The following ARL8B variants were observed in gnomAD, a reference collection of about 807,000 sequenced individuals.
ARL8B encodes the protein ADP-ribosylation factor-like protein 8B.
Under a neutral mutation model 30.6 loss-of-function variants are expected in ARL8B, and 9 were observed. The ratio of observed to expected loss-of-function variants is 0.29; its 90% CI spans 0.18 to 0.51. The LOEUF is 0.51. ARL8B is among the 20% of genes least tolerant of loss of function. The pLI is 0.97. For missense variants in ARL8B, 130 were observed against 227.2 expected, an observed-to-expected ratio of 0.57 and a Z score of 2.75; for synonymous variants, 74 against 76.0, an observed-to-expected ratio of 0.97 and a Z score of 0.14.
intron 6 of ARL8B, among the ~76,000 whole-genome samples, chr3:5,175,191 C>T (rs556504292): frequency 5.1e-4 from 77 of 152,176 alleles, no homozygotes; most frequent in African/African-American, 1.1e-3. Flanking sequence ...TTTCGTTCAG[C>T]GTTACAATGT....
intron 1 of ARL8B, among the ~76,000 whole-genome samples, chr3:5,143,576 C>T (rs1034105162): frequency 1.3e-5 from 2 of 152,214 alleles, no homozygotes; most frequent in East Asian, 3.9e-4. Context: ...TTACCAGTCC[C>T]TTGACTTGAG....
At chr3:5,148,619 C>A (rs1575565630) in intron 1 of ARL8B, among the ~76,000 whole-genome samples, 1 of 152,052 alleles carries the variant, frequency 6.6e-6, no homozygotes, top group East Asian at 1.9e-4. Context: ...AACATGGGAG[C>A]TAATTTTTTG....
At chr3:5,172,498 A>C (rs867024045) in intron 3 of ARL8B, 149 bp from the exon 4 acceptor site, 1 of 642,772 alleles carries the variant, frequency 1.6e-6, no homozygotes, top group Middle Eastern at 4.2e-4. Context: ...AAAAGTATTA[A>C]AGGGTGCTGA....
intron 1 of ARL8B, among the ~76,000 whole-genome samples, chr3:5,152,072 A>G (rs2054489730): frequency 6.6e-6 from 1 of 152,182 alleles, no homozygotes; most frequent in South Asian, 2.1e-4. Flanking sequence ...TTTGAAAAGA[A>G]TGTGTATTCT....
intron 1 of ARL8B, among the ~76,000 whole-genome samples, chr3:5,155,495 C>G (rs2054524000): frequency 6.6e-6 from 1 of 152,070 alleles, no homozygotes; most frequent in African/African-American, 2.4e-5. Flanking sequence ...GTCTCTGCCT[C>G]CTATTATCTG....
At chr3:5,160,580 T>C (rs925634769) in intron 1 of ARL8B, among the ~76,000 whole-genome samples, 1 of 152,192 alleles carries the variant, frequency 6.6e-6, no homozygotes, top group African/African-American at 2.4e-5. Flanking sequence ...CCCTTTGTAT[T>C]AACAGGCAGT....
At chr3:5,166,553 G>T (rs2054626028) in intron 1 of ARL8B, among the ~76,000 whole-genome samples, 1 of 149,394 alleles carries the variant, frequency 6.7e-6, no homozygotes, top group Admixed American at 6.7e-5. Context: ...GCCCAGACTG[G>T]TCTTGAACTC....
chr3:5,170,793 G>A (rs1401467438), intron 2 of ARL8B: 3 of 425,340 alleles, frequency 7.1e-6, no homozygotes, highest in Non-Finnish European at 1.3e-5. Flanking sequence ...GTGCAGTGTC[G>A]CGATCTCCAC....
At chr3:5,143,480 G>A (rs576045137) in intron 1 of ARL8B, among the ~76,000 whole-genome samples, 2 of 152,264 alleles carry the variant, frequency 1.3e-5, no homozygotes, top group South Asian at 4.1e-4. Context: ...AGGGGAAATG[G>A]AACCACCTGT....
chr3:5,145,469 C>T (rs1039249328), intron 1 of ARL8B, among the ~76,000 whole-genome samples: 1 of 152,110 alleles, frequency 6.6e-6, no homozygotes, highest in African/African-American at 2.4e-5. Context: ...TGTACACATT[C>T]GGGCCACCCG....
At chr3:5,151,721 A>T (rs1193818094) in intron 1 of ARL8B, among the ~76,000 whole-genome samples, 6 of 81,646 alleles carry the variant, frequency 7.3e-5, no homozygotes, top group African/African-American at 2.5e-4. Flanking sequence ...TTCTCCCCCC[A>T]CCCCCCCCCT....
At chr3:5,176,155 T>C (rs2054728012) in intron 6 of ARL8B, among the ~76,000 whole-genome samples, 2 of 152,214 alleles carry the variant, frequency 1.3e-5, no homozygotes, top group Admixed American at 1.3e-4. Context: ...TTTATGCTGA[T>C]ATTTTTTCTT....
At chr3:5,178,449 C>T (rs1201744503) in intron 6 of ARL8B, among the ~76,000 whole-genome samples, 2 of 148,542 alleles carry the variant, frequency 1.3e-5, no homozygotes, top group Non-Finnish European at 3.0e-5. Flanking sequence ...CCGTCCTATA[C>T]ACAACTTAAT....
chr3:5,179,812 T>C lies in ARL8B; in HGVS notation c.*1099T>C, dbSNP rs2054762861. On this transcript the variant is annotated 3_prime_UTR_variant, in exon 7 of 7. Transcript: ENST00000256496. The stretch of plus-strand genomic sequence containing the variant: ...TTATTGTGACAACTCTAGACCTGCC[T>C]GCTTTATCTAATGTAATCATGCTCA... The C allele has an allele frequency of 6.6e-6, 1 of 152,536 alleles. No individual in the cohort carries two copies. The highest frequency in any genetic ancestry group is 1.5e-5 in the Non-Finnish European group (1 of 68,034). The allele number at this position is 152,536 out of a possible 1,614,324, so 9.4% of individuals were successfully genotyped here.
chr3:5,154,324 TG>T (rs759757606), intron 1 of ARL8B, among the ~76,000 whole-genome samples: 35 of 152,072 alleles, frequency 2.3e-4, no homozygotes, highest in Non-Finnish European at 4.1e-4. Context: ...AAAATTTTAT[TG>T]TGGTAAAATA....
intron 3 of ARL8B, 24 bp from the exon 4 acceptor site, chr3:5,172,623 T>C (rs201510494): frequency 3.3e-6 from 5 of 1,528,650 alleles, no homozygotes; most frequent in Middle Eastern, 1.7e-4. Context: ...AGAAGGTATG[T>C]TGAGATCACT....
chr3:5,165,288 A>G (rs1047969048), intron 1 of ARL8B, among the ~76,000 whole-genome samples: 3 of 152,194 alleles, frequency 2.0e-5, no homozygotes, highest in African/African-American at 7.2e-5. Flanking sequence ...TTTCTTACTA[A>G]TGTAAATTGA....
At chr3:5,127,075 A>G (rs1343123500) in intron 1 of ARL8B, among the ~76,000 whole-genome samples, 2 of 152,212 alleles carry the variant, frequency 1.3e-5, no homozygotes, top group East Asian at 3.8e-4. Context: ...AAAAGAAGAT[A>G]TTTGGGAAGA....
chr3:5,126,420 G>C lies in ARL8B; in HGVS notation c.123+3832G>C, dbSNP rs771103103. On this transcript the variant is annotated intron_variant, in intron 1 of 6. Transcript: ENST00000256496. ...AGAAGCGACTTCTCAGGTATGAAAA[G>C]CTTCAGCTGAAGCCAATTTTCTTTT... is the stretch of plus-strand genomic sequence containing the variant. Among the ~76,000 whole-genome samples the C allele has an allele frequency of 1.7e-4, 26 of 152,164 alleles. 1 individual carries two copies. Among genetic ancestry groups the C allele is most frequent in the Non-Finnish European group, 2.5e-4 (17 of 68,016 alleles).
Sources: gnomAD v4.1 joint callset for allele counts (sites outside exome capture counted in the v4.1 genomes callset) on GRCh38, gnomAD v4.1.1 for gene constraint, MANE v1.5 for transcripts, NCBI Gene and HGNC (gene_info 2026-07-23, HGNC 2026-07-21) for gene names.